Variants in SUPT3H observed in about 807,000 individuals in gnomAD.
SUPT3H encodes the protein transcription initiation protein SPT3 homolog.
In SUPT3H, 44 loss-of-function variants were observed where a neutral mutation model predicts 44.3. The observed-to-expected ratio is 0.99, with a 90% CI of 0.78 to 1.28. SUPT3H has a LOEUF of 1.28. Among genes scored for constraint, SUPT3H ranks in the 50% most tolerant of loss-of-function variants. SUPT3H has a pLI of 0.00. For synonymous variants in SUPT3H, 124 were observed against 125.6 expected (o/e 0.99, Z 0.09); for missense variants, 380 against 387.1 (o/e 0.98, Z 0.15).
chr6:45,370,689 C>G (rs796839986), intron 1 of SUPT3H, among the ~76,000 whole-genome samples: 1 of 151,916 alleles, frequency 6.6e-6, no homozygotes, highest in African/African-American at 2.4e-5. Context: ...ATCAAAACAC[C>G]CTGTAAACAT....
chr6:44,954,485 G>A lies in SUPT3H; in HGVS notation c.693+10C>T. On this transcript the variant is annotated intron_variant, in intron 8 of 10. Transcript: ENST00000371459. ...CAGTGTGGCCCGATATGACAGATTA[G>A]AATTCTTACCTGTGCCACAGTTTCA... The A allele has an allele frequency of 6.2e-7, 1 of 1,600,958 alleles. No homozygotes were observed. The highest frequency in any genetic ancestry group is 8.6e-7 in the Non-Finnish European group (1 of 1,168,002).
At chr6:45,282,427 T>G (rs1343713103) in intron 2 of SUPT3H, among the ~76,000 whole-genome samples, 2 of 152,146 alleles carry the variant, frequency 1.3e-5, no homozygotes, top group Non-Finnish European at 1.5e-5. Flanking sequence ...GCACGAGAAC[T>G]ACGTGACAAA....
intron 2 of SUPT3H, among the ~76,000 whole-genome samples, chr6:45,175,185 G>A (rs1480520992): frequency 2.1e-5 from 3 of 145,862 alleles, no homozygotes; most frequent in Non-Finnish European, 2.9e-5. Flanking sequence ...GTTTGCAGAT[G>A]TGTGTGTGTG....
chr6:45,081,038 T>TATA, intron 3 of SUPT3H, among the ~76,000 whole-genome samples: 1 of 151,194 alleles, frequency 6.6e-6, no homozygotes, highest in African/African-American at 2.4e-5. Flanking sequence ...ATCCCATATA[T>TATA]ATATGTACAT....
chr6:44,913,385 C>T (rs780797028), intron 10 of SUPT3H, among the ~76,000 whole-genome samples: 7 of 152,082 alleles, frequency 4.6e-5, no homozygotes, highest in Non-Finnish European at 7.4e-5. Flanking sequence ...TGTGAAGCCC[C>T]ATCTTCAACT....
chr6:45,290,864 T>C (rs1188764241), intron 2 of SUPT3H, among the ~76,000 whole-genome samples: 1 of 152,140 alleles, frequency 6.6e-6, no homozygotes, highest in Non-Finnish European at 1.5e-5. Flanking sequence ...ATGAGGAATC[T>C]GAGGCCCAAG....
intron 2 of SUPT3H, among the ~76,000 whole-genome samples, chr6:45,254,894 C>A (rs983212073): frequency 1.1e-4 from 17 of 152,060 alleles, no homozygotes; most frequent in Non-Finnish European, 2.4e-4. Context: ...CTGCTGCATT[C>A]CCCTCTGGAA....
At chr6:45,285,564 C>T (rs1185258171) in intron 2 of SUPT3H, among the ~76,000 whole-genome samples, 2 of 152,024 alleles carry the variant, frequency 1.3e-5, no homozygotes, top group East Asian at 3.9e-4. Flanking sequence ...TCAAGGAGAA[C>T]TACAAACCAC....
rs1810470100 is a variant in SUPT3H at position 45,169,702 on chromosome 6, T to C, written c.102-63696A>G. Among the ~76,000 whole-genome samples the C allele has an allele frequency of 2.0e-5, 3 of 152,200 alleles. No homozygotes were observed. The South Asian group carries it at 6.2e-4, about 31-fold the overall frequency. On this transcript the variant is annotated intron_variant, in intron 2 of 10. Coordinates refer to ENST00000371459, the MANE Select transcript of SUPT3H (RefSeq NM_003599.4). ...TTCAGATTATTCTGCAATAGCTCCT[T>C]GATGAGCAACGTTAATAAATCTAAG...
chr6:45,082,386 C>T (rs1030599842), intron 3 of SUPT3H, among the ~76,000 whole-genome samples: 9 of 152,050 alleles, frequency 5.9e-5, no homozygotes, highest in Non-Finnish European at 1.2e-4. Flanking sequence ...ATTGTAGACA[C>T]AAAAATCATT....
At chr6:44,939,358 T>C (rs1416650674) in intron 9 of SUPT3H, among the ~76,000 whole-genome samples, 1 of 152,132 alleles carries the variant, frequency 6.6e-6, no homozygotes, top group Non-Finnish European at 1.5e-5. Context: ...GTTTATGTAA[T>C]GTATCCCATT....
intron 6 of SUPT3H, among the ~76,000 whole-genome samples, chr6:44,970,248 A>G (rs78658819): frequency 0.011 from 1,728 of 152,274 alleles, 74 homozygotes; most frequent in East Asian, 0.084. Flanking sequence ...AAAATTTTTA[A>G]TCTAAATTTA....
At chr6:45,077,215 T>C (rs9472435) in intron 3 of SUPT3H, among the ~76,000 whole-genome samples, 27,376 of 152,114 alleles carry the variant, frequency 0.18, 3,957 homozygotes, top group African/African-American at 0.4. Flanking sequence ...ACATCTTCAT[T>C]AGTAGTATAT....
intron 3 of SUPT3H, among the ~76,000 whole-genome samples, chr6:45,035,945 A>T (rs1714045507): frequency 1.3e-5 from 2 of 152,206 alleles, no homozygotes; most frequent in Non-Finnish European, 1.5e-5. Context: ...AATCAATTCA[A>T]GAAAATTTCC....
chr6:44,821,537 C>T (rs981707367), intron 11 of SUPT3H, among the ~76,000 whole-genome samples: 1 of 152,028 alleles, frequency 6.6e-6, no homozygotes, highest in Non-Finnish European at 1.5e-5. Context: ...TTTTTAGTAT[C>T]ATTAGCTGGG....
intron 2 of SUPT3H, among the ~76,000 whole-genome samples, chr6:45,277,775 T>C (rs1277769707): frequency 2.0e-5 from 3 of 152,212 alleles, no homozygotes; most frequent in African/African-American, 4.8e-5. Context: ...TACCTCCTTA[T>C]GACAACTAGC....
At chr6:45,134,818 A>G (rs1804018812) in intron 2 of SUPT3H, among the ~76,000 whole-genome samples, 1 of 152,156 alleles carries the variant, frequency 6.6e-6, no homozygotes, top group Non-Finnish European at 1.5e-5. Context: ...AGAAGCCTTC[A>G]CTAGGAATTA....
intron 10 of SUPT3H, among the ~76,000 whole-genome samples, chr6:44,911,970 T>G (rs1767116284): frequency 6.6e-6 from 1 of 152,202 alleles, no homozygotes; most frequent in Non-Finnish European, 1.5e-5. Context: ...AAATAAAAGC[T>G]CTGCAGCTCA....
At chr6:45,347,709 G>A (rs1315210957) in intron 2 of SUPT3H, among the ~76,000 whole-genome samples, 2 of 151,138 alleles carry the variant, frequency 1.3e-5, no homozygotes, top group African/African-American at 4.9e-5. Flanking sequence ...ATAGAAGAGT[G>A]AAATCCAAAT....
Sources: allele counts gnomAD v4.1 joint callset (sites outside exome capture counted in the v4.1 genomes callset), GRCh38; gene constraint gnomAD v4.1.1; transcripts MANE v1.5; gene names NCBI Gene and HGNC (gene_info 2026-07-23, HGNC 2026-07-21).